PLA2R1: variants seen among roughly 807,000 people sequenced by gnomAD.
PLA2R1 encodes the protein secretory phospholipase A2 receptor.
PLA2R1 carries 158 observed loss-of-function variants against 195.9 expected under a neutral mutation model. That is an observed-to-expected ratio of 0.81 (90% CI 0.71 to 0.92). The LOEUF (loss-of-function observed/expected upper bound fraction) is 0.92. PLA2R1 is among the 40% of genes least tolerant of loss of function. PLA2R1 has a pLI of 0.00. For synonymous variants in PLA2R1, 586 were observed against 598.2 expected (o/e 0.98, Z 0.30); for missense variants, 1,626 against 1,764.6 (o/e 0.92, Z 1.41).
rs77716637 is a variant in PLA2R1, at chr2:159,935,865, T to A, written c.*5913A>T. ...ACTCCCCCACAGAATTTTATCCTAA[T>A]GAGATATACTTTAATTTGTGAAATA... On this transcript the variant is annotated 3_prime_UTR_variant, in exon 30 of 30. Coordinates refer to ENST00000283243, the MANE Select transcript of PLA2R1 (RefSeq NM_007366.5). The A allele has an allele frequency of 2.5e-3, 373 of 152,152 alleles. 2 individuals carry two copies. The highest frequency in any genetic ancestry group is 8.6e-3 in the African/African-American group (356 of 41,528). 9.4% of individuals were successfully genotyped at this position (152,152 alleles called of 1,614,324 possible).
rs1194944207 is a variant in PLA2R1 at position 160,013,675 on chromosome 2, TTCTC to T, written c.1552-304_1552-301del. On this transcript the variant is annotated intron_variant, in intron 9 of 29. Coordinates refer to ENST00000283243, the MANE Select transcript of PLA2R1 (RefSeq NM_007366.5). ...TCATTCAAGATCTCTACCTCTCTCT[TTCTC>T]TCTCTCTCTCTCTCTCTCTCTCTGT... 5.7e-3 allele frequency among the ~76,000 whole-genome samples: 372 copies of T among 65,682 alleles called. 3 individuals carry two copies. The highest frequency in any genetic ancestry group is 0.013 in the South Asian group (32 of 2,396). The allele number at this position is 65,682 out of a possible 152,430, so 43.1% of individuals were successfully genotyped here.
chr2:159,955,068 A>G, intron 23 of PLA2R1, 131 bp downstream of exon 23: 2 of 659,670 alleles, frequency 3.0e-6, no homozygotes, highest in East Asian at 2.8e-5. Context: ...ATGTAAAGCC[A>G]AAGAAGAAGT....
intron 1 of PLA2R1, among the ~76,000 whole-genome samples, chr2:160,056,528 C>A (rs1453643675): frequency 1.3e-5 from 2 of 152,158 alleles, no homozygotes; most frequent in Non-Finnish European, 2.9e-5. Context: ...ATAACCACTA[C>A]CTCTCCTATT....
intron 3 of PLA2R1, among the ~76,000 whole-genome samples, chr2:160,033,453 C>A (rs1040886965): frequency 2.0e-5 from 3 of 152,152 alleles, no homozygotes; most frequent in East Asian, 1.9e-4. Flanking sequence ...GATCTAAGTT[C>A]TTTTGTCATT....
rs1686926794 is a variant in PLA2R1, at chr2:159,938,330, C to T, written c.*3448G>A. 6.6e-6 allele frequency: 1 copy of T among 152,282 alleles called. No individual in the cohort carries two copies. The highest frequency in any genetic ancestry group is 2.4e-5 in the African/African-American group (1 of 41,472). 9.4% of individuals were successfully genotyped at this position (152,282 alleles called of 1,614,324 possible). A position where few individuals can be genotyped will look rare whatever the true frequency, so the allele number is the denominator to read the frequency against. ...ATGAATGACTGAACAGAGCAAAGTC[C>T]TCTTGCCAGCCCATGCAGGTGTGGG... is the stretch of plus-strand genomic sequence containing the variant. On this transcript the variant is annotated 3_prime_UTR_variant, in exon 30 of 30. Transcript: ENST00000283243.
intron 9 of PLA2R1, among the ~76,000 whole-genome samples, chr2:160,013,699 CTCTG>C (rs1413350904): frequency 0.011 from 1,464 of 136,434 alleles, 6 homozygotes; most frequent in Middle Eastern, 0.038. Flanking sequence ...CTCTCTCTCT[CTCTG>C]TCTCTCTCTC....
At chr2:160,052,187 C>G (rs888322841) in intron 1 of PLA2R1, among the ~76,000 whole-genome samples, 1 of 152,208 alleles carries the variant, frequency 6.6e-6, no homozygotes, top group Admixed American at 6.5e-5. Context: ...TCATGAGGCA[C>G]ACAATAGTCT....
Position 159,987,194 on chromosome 2 carries a change from C to A in PLA2R1, c.1999G>T (p.Asp667Tyr). 1.2e-6 allele frequency: 2 copies of A among 1,614,066 alleles called. No individual in the cohort carries two copies. The highest frequency in any genetic ancestry group is 1.7e-5 in the Admixed American group (1 of 60,014). The change falls in exon 12 of 30, where the codon GAC becomes TAC. Residue 667 changes from aspartate to tyrosine, a missense_variant. Asp to Tyr is a radical substitution (Grantham distance 160). Coordinates refer to ENST00000283243, the MANE Select transcript of PLA2R1 (RefSeq NM_007366.5). ...ERWPFHPCYLDWESEPGLASC... is the reference protein window; with the variant it reads ...ERWPFHPCYLYWESEPGLASC... ...GCCAGACCAGGCTCTGACTCCCAGT[C>A]CAAATAGCAGGGGTGAAAGGGCCAT...
rs773905199 is a variant in PLA2R1 at position 160,005,735 on chromosome 2, T to C, written c.1751A>G (p.Asn584Ser). 47 of 1,613,482 alleles carry C rather than the reference T, an allele frequency of 2.9e-5. No homozygotes were observed. The East Asian group carries it at 9.6e-4, about 33-fold the overall frequency. ...SYFWIALQDQ[N>S]DTGEYTWKPV... ...CTTCCAAGTGTATTCTCCCGTATCA[T>C]TTTGGTCCTGAAGAGCTATCCAAAA... Residue 584 changes from asparagine to serine, a missense_variant, in exon 11 of 30, where the codon AAT becomes AGT. Asn to Ser is a conservative substitution (Grantham distance 46). Coordinates refer to ENST00000283243, the MANE Select transcript of PLA2R1 (RefSeq NM_007366.5).
chr2:160,013,358 A>G lies in PLA2R1; in HGVS notation c.1569T>C (p.Gly523=). The G allele has an allele frequency of 6.2e-7, 1 of 1,602,550 alleles. No individual in the cohort carries two copies. Among genetic ancestry groups the G allele is most frequent in the Non-Finnish European group, 8.5e-7 (1 of 1,169,970 alleles). ...SGCQEGWERH[G]GFCYKIDTVL... The stretch of plus-strand genomic sequence containing the variant: ...CTGTGTCAATTTTGTAACAGAATCC[A>G]CCATGTCTCTCCCATCCCTTAAAAA... Residue 523 remains glycine, a synonymous_variant, in exon 10 of 30, where the codon GGT becomes GGC. Transcript: ENST00000283243.
At chr2:160,031,274 C>T (rs2105518433) in intron 4 of PLA2R1, among the ~76,000 whole-genome samples, 1 of 152,214 alleles carries the variant, frequency 6.6e-6, no homozygotes, top group Non-Finnish European at 1.5e-5. Context: ...GTTTATAATA[C>T]CAACTAATAA....
chr2:160,042,539 C>T (rs1694584839), intron 2 of PLA2R1, among the ~76,000 whole-genome samples: 1 of 152,204 alleles, frequency 6.6e-6, no homozygotes, highest in Non-Finnish European at 1.5e-5. Flanking sequence ...CCAAACACAT[C>T]AGCCATTAGC....
Position 159,935,524 on chromosome 2 carries a change from T to A in PLA2R1, c.*6254A>T, listed in dbSNP as rs1686779929. On this transcript the variant is annotated 3_prime_UTR_variant, in exon 30 of 30. Coordinates refer to ENST00000283243, the MANE Select transcript of PLA2R1 (RefSeq NM_007366.5). ...TATTGTGTGGGTTATAATCCAATAT[T>A]ATAATTTTTTATTGTTTGCTCAAAT... The A allele has an allele frequency of 6.6e-6, 1 of 152,192 alleles. No individual in the cohort carries two copies. The allele number at this position is 152,192 out of a possible 1,614,324, so 9.4% of individuals were successfully genotyped here.
At chr2:159,924,730 G>GC in the PLA2R1 span, among the ~76,000 whole-genome samples, 1 of 20,718 alleles carries the variant, frequency 4.8e-5, no homozygotes, top group Non-Finnish European at 3.0e-4. Context: ...TCTGGGGGCT[G>GC]GGGGGGGGGC....
At position 159,941,962 on chromosome 2, in the gene PLA2R1, A is replaced by G. The variant is rs151119000; in HGVS notation, c.4208T>C (p.Val1403Ala). ...CACAATGACTATCAGTGTCAGTACA[A>G]CCGCAAGAGGAATGATGCTGTGACT... ...GPSHSIIPLAVVLTLIVIVAI... is the reference protein window; with the variant it reads ...GPSHSIIPLAAVLTLIVIVAI... The change falls in exon 30 of 30, where the codon GTT becomes GCT. Residue 1403 changes from valine (V) to alanine (A), a missense_variant. Transcript: ENST00000283243. 4.8e-5 allele frequency: 78 copies of G among 1,613,912 alleles called. No homozygotes were observed. The African/African-American group carries it at 9.6e-4, about 20-fold the overall frequency.
intron 8 of PLA2R1, among the ~76,000 whole-genome samples, chr2:160,017,190 T>A (rs904701209): frequency 6.6e-6 from 1 of 152,206 alleles, no homozygotes; most frequent in African/African-American, 2.4e-5. Context: ...GATAGAGCCA[T>A]GGTTCTCAAT....
chr2:160,043,883 G>A (rs1415054793), intron 2 of PLA2R1, among the ~76,000 whole-genome samples: 1 of 152,148 alleles, frequency 6.6e-6, no homozygotes, highest in Non-Finnish European at 1.5e-5. Context: ...GAATTCTTAG[G>A]AGCATATGCT....
chr2:159,941,800 T>G lies in PLA2R1; in HGVS notation c.4370A>C (p.Asp1457Ala). 6.3e-7 allele frequency: 1 copy of G among 1,598,338 alleles called. No homozygotes were observed. Among genetic ancestry groups the G allele is most frequent in the South Asian group, 1.1e-5 (1 of 90,616 alleles). Residue 1457 changes from aspartate to alanine, a missense_variant, in exon 30 of 30, where the codon GAT becomes GCT. By Grantham distance (126) the Asp-to-Ala change is moderately radical. Transcript: ENST00000283243. ...TTATTATTGGTCACTCTTCTCAAGA[T>G]CAGAAATGAGAATATTTTCTTCTAA... ...VYLEENILIS[D>A]LEKSDQ
intron 7 of PLA2R1, among the ~76,000 whole-genome samples, chr2:160,022,427 C>A (rs1693196720): frequency 6.6e-6 from 1 of 151,856 alleles, no homozygotes; most frequent in Admixed American, 6.6e-5. Context: ...TCCTACTTTC[C>A]AAAAATTTAA....
Sources: allele counts gnomAD v4.1 joint callset (sites outside exome capture counted in the v4.1 genomes callset), GRCh38; gene constraint gnomAD v4.1.1; transcripts MANE v1.5; gene names NCBI Gene and HGNC (gene_info 2026-07-23, HGNC 2026-07-21).